FAF1: variants seen among roughly 807,000 people sequenced by gnomAD.
The protein encoded by FAF1 is FAS-associated factor 1.
Under a neutral mutation model 92.5 loss-of-function variants are expected in FAF1, and 25 were observed. The ratio of observed to expected loss-of-function variants is 0.27; its 90% CI spans 0.20 to 0.38. FAF1 has a LOEUF of 0.38. FAF1 is among the 10% of genes least tolerant of loss of function. FAF1 has a pLI of 1.00. For missense variants in FAF1, 636 were observed against 793.3 expected (o/e 0.80, Z 2.38); for synonymous variants, 234 against 273.2 (o/e 0.86, Z 1.42).
chr1:50,851,240 G>A (rs1430226995), intron 2 of FAF1, among the ~76,000 whole-genome samples: 1 of 151,838 alleles, frequency 6.6e-6, no homozygotes, highest in South Asian at 2.1e-4. Flanking sequence ...GCCACCAAGC[G>A]GGGCTAATTT....
rs551694877 is a variant in FAF1, at chr1:50,569,422, A to G, written c.1114-2191T>C. 2.6e-4 allele frequency among the ~76,000 whole-genome samples: 39 copies of G among 152,322 alleles called. No individual in the cohort carries two copies. In the South Asian group the frequency reaches 7.5e-3, roughly 29 times the overall value. On this transcript the variant is annotated intron_variant, in intron 12 of 18. Coordinates refer to ENST00000396153, the MANE Select transcript of FAF1 (RefSeq NM_007051.3). ...CAGCCCCTTGGCAAAAAAGATACCC[A>G]ATAGCAATGGCAATGTAAAATCAGT...
chr1:50,777,326 G>A (rs1660998950), intron 4 of FAF1, among the ~76,000 whole-genome samples: 1 of 152,020 alleles, frequency 6.6e-6, no homozygotes, highest in South Asian at 2.1e-4. Flanking sequence ...GCTGAGGTGG[G>A]TGGGAGGATC....
intron 1 of FAF1, among the ~76,000 whole-genome samples, chr1:50,929,071 CAA>C (rs59078269): frequency 2.2e-4 from 8 of 36,824 alleles, no homozygotes; most frequent in Middle Eastern, 0.01. Flanking sequence ...GACACTGTCT[CAA>C]AAAAAAAAAA....
intron 15 of FAF1, among the ~76,000 whole-genome samples, chr1:50,497,569 G>C (rs1166381813): frequency 1.8e-5 from 1 of 56,246 alleles, no homozygotes. Flanking sequence ...TTTTTTTTGT[G>C]ACGGAGTCTC....
chr1:50,684,285 A>G (rs943741112), intron 7 of FAF1, among the ~76,000 whole-genome samples: 2 of 147,794 alleles, frequency 1.4e-5, no homozygotes, highest in Non-Finnish European at 3.0e-5. Context: ...TTTTGGTTCA[A>G]ACTCTGAAGC....
chr1:50,593,604 T>C (rs1289758396), intron 9 of FAF1, among the ~76,000 whole-genome samples: 1 of 152,098 alleles, frequency 6.6e-6, no homozygotes, highest in African/African-American at 2.4e-5. Flanking sequence ...GATAAAGTGC[T>C]TTAAAAAAAA....
intron 6 of FAF1, among the ~76,000 whole-genome samples, chr1:50,719,456 G>C (rs943923012): frequency 6.6e-6 from 1 of 152,098 alleles, no homozygotes; most frequent in African/African-American, 2.4e-5. Flanking sequence ...TAAACATTTG[G>C]TTTCACATAA....
At chr1:50,941,706 A>G (rs902845752) in intron 1 of FAF1, among the ~76,000 whole-genome samples, 6 of 152,224 alleles carry the variant, frequency 3.9e-5, no homozygotes, top group African/African-American at 9.6e-5. Flanking sequence ...AAAGTGCAGT[A>G]CTTATTAATA....
chr1:50,565,479 A>G (rs1369675170), intron 13 of FAF1, among the ~76,000 whole-genome samples: 1 of 152,114 alleles, frequency 6.6e-6, no homozygotes, highest in Non-Finnish European at 1.5e-5. Context: ...AGGAGTTAAT[A>G]GGACACAGCT....
intron 12 of FAF1, among the ~76,000 whole-genome samples, chr1:50,578,887 T>C (rs1275737200): frequency 5.3e-5 from 8 of 152,116 alleles, no homozygotes; most frequent in Non-Finnish European, 1.0e-4. Flanking sequence ...CTTTAGTTTA[T>C]AGAAATGTAA....
intron 13 of FAF1, among the ~76,000 whole-genome samples, chr1:50,549,997 C>T (rs758378240): frequency 6.6e-6 from 1 of 152,042 alleles, no homozygotes; most frequent in African/African-American, 2.4e-5. Context: ...GGAACTTTGA[C>T]ATTTACACAT....
At chr1:50,814,920 T>C (rs928601067) in intron 2 of FAF1, among the ~76,000 whole-genome samples, 4 of 152,194 alleles carry the variant, frequency 2.6e-5, no homozygotes, top group Non-Finnish European at 5.9e-5. Flanking sequence ...CCTTTTGTAC[T>C]GCTGATGGGA....
At chr1:50,950,423 T>G (rs771829984) in intron 1 of FAF1, among the ~76,000 whole-genome samples, 4 of 152,216 alleles carry the variant, frequency 2.6e-5, no homozygotes, top group Non-Finnish European at 5.9e-5. Context: ...GCCCAGACAG[T>G]AAATATTTTA....
intron 1 of FAF1, among the ~76,000 whole-genome samples, chr1:50,871,175 GA>G (rs1415163449): frequency 6.6e-6 from 1 of 152,226 alleles, no homozygotes; most frequent in Non-Finnish European, 1.5e-5. Context: ...ACACGCAGAA[GA>G]AAAGTTTGAA....
At chr1:50,614,546 C>G (rs1039483025) in intron 8 of FAF1, among the ~76,000 whole-genome samples, 1 of 151,590 alleles carries the variant, frequency 6.6e-6, no homozygotes, top group Admixed American at 6.6e-5. Flanking sequence ...CCTTTAAAAA[C>G]AAAACAAAAT....
intron 2 of FAF1, among the ~76,000 whole-genome samples, chr1:50,849,022 G>T (rs145002024): frequency 2.6e-4 from 39 of 152,224 alleles, no homozygotes; most frequent in Middle Eastern, 3.4e-3. Flanking sequence ...ACTTTGGGAG[G>T]CCAGGGTGGG....
At chr1:50,740,104 A>G (rs984064923) in intron 5 of FAF1, among the ~76,000 whole-genome samples, 1 of 152,196 alleles carries the variant, frequency 6.6e-6, no homozygotes, top group Non-Finnish European at 1.5e-5. Flanking sequence ...TGAACAGAAC[A>G]GCCTAAAATA....
intron 8 of FAF1, among the ~76,000 whole-genome samples, chr1:50,641,026 G>A (rs1654302195): frequency 6.6e-6 from 1 of 151,836 alleles, no homozygotes; most frequent in South Asian, 2.1e-4. Flanking sequence ...TAGAGATGGG[G>A]TTTTACAATG....
chr1:50,959,743 G>A, intron 1 of FAF1, 24 bp downstream of exon 1: 1 of 1,596,626 alleles, frequency 6.3e-7, no homozygotes, highest in Non-Finnish European at 8.5e-7. Flanking sequence ...GGAAGTGGGA[G>A]GGGAAGAGGG....
Sources: gnomAD v4.1 joint callset for allele counts (sites outside exome capture counted in the v4.1 genomes callset) on GRCh38, gnomAD v4.1.1 for gene constraint, MANE v1.5 for transcripts, NCBI Gene and HGNC (gene_info 2026-07-23, HGNC 2026-07-21) for gene names.